Variants in ABCG8 observed in about 807,000 individuals in gnomAD.
The protein encoded by ABCG8 is ATP binding cassette subfamily G member 8, also known as ATP-binding cassette sub-family G member 8.
ABCG8 carries 81 observed loss-of-function variants against 71.3 expected under a neutral mutation model. The observed-to-expected ratio is 1.14, with a 90% confidence interval of 0.95 to 1.37. ABCG8 has a LOEUF of 1.37. ABCG8 is among the 40% of genes most tolerant of loss of function. ABCG8 has a pLI of 0.00. For missense variants in ABCG8, 1,119 were observed against 866.2 expected (o/e 1.29, Z -3.66); for synonymous variants, 451 against 354.7 (o/e 1.27, Z -3.05).
intron 6 of ABCG8, among the ~76,000 whole-genome samples, chr2:43,860,738 G>T (rs915702030): frequency 6.6e-6 from 1 of 150,628 alleles, no homozygotes; most frequent in African/African-American, 2.4e-5. Flanking sequence ...TCACTATCTG[G>T]ATAGAATTCT....
At chr2:43,866,060 T>A (rs1005098873) in intron 6 of ABCG8, among the ~76,000 whole-genome samples, 9 of 152,176 alleles carry the variant, frequency 5.9e-5, no homozygotes, top group Admixed American at 5.9e-4. Flanking sequence ...AACTATCTGA[T>A]CTTTGACAAA....
rs267599381 is a variant in ABCG8, at chr2:43,852,481, A to G, written c.689A>G (p.Asn230Ser). 2 of 1,613,314 alleles carry G rather than the reference A, an allele frequency of 1.2e-6. No homozygotes were observed. Among genetic ancestry groups the G allele is most frequent in the Middle Eastern group, 1.8e-4 (1 of 5,700 alleles). The change falls in exon 5 of 13, where the codon AAC becomes AGC. Residue 230 changes from asparagine to serine, a missense_variant. Transcript: ENST00000272286. ...RVSIGVQLLW[N>S]PGILILDEPT... is the part of the protein sequence containing the mutation. ...AGCATTGGGGTGCAGCTCCTGTGGA[A>G]CCCAGGTGAGGGCCTGGGGGGCAGA...
At position 43,852,171 on chromosome 2, in the gene ABCG8, C is replaced by A. The variant is rs72875462; in HGVS notation, c.562-183C>A. ...GCACCATGCCCAGCACGTCGAGGCC[C>A]CTCGGGACCTGTGGAAAGAATCAGG... is the stretch of plus-strand genomic sequence containing the variant. On this transcript the variant is annotated intron_variant, in intron 4 of 12. Coordinates refer to ENST00000272286, the MANE Select transcript of ABCG8 (RefSeq NM_022437.3). Among the ~76,000 whole-genome samples the A allele has an allele frequency of 0.092, 13,968 of 152,288 alleles. 864 individuals carry two copies. The highest frequency in any genetic ancestry group is 0.17 in the African/African-American group (6,907 of 41,554).
intron 1 of ABCG8, among the ~76,000 whole-genome samples, chr2:43,843,153 C>A (rs1396621487): frequency 5.9e-5 from 9 of 152,222 alleles, no homozygotes; most frequent in African/African-American, 2.2e-4. Flanking sequence ...CTGTCTCGCT[C>A]CATCGTAATC....
intron 6 of ABCG8, among the ~76,000 whole-genome samples, chr2:43,869,560 C>CATCTGGATAGAACTCTCAGT: frequency 6.6e-6 from 1 of 150,594 alleles, no homozygotes; most frequent in African/African-American, 2.4e-5. Context: ...GAATTCTCAC[C>CATCTGGATAGAACTCTCAGT]ATCTGGATAG....
chr2:43,874,876 T>C (rs1335215450), intron 10 of ABCG8, among the ~76,000 whole-genome samples: 1 of 151,438 alleles, frequency 6.6e-6, no homozygotes, highest in Non-Finnish European at 1.5e-5. Context: ...TCAGGGGGAG[T>C]AGGGACTTGA....
chr2:43,851,645 G>A lies in ABCG8; in HGVS notation c.384G>A (p.Lys128=), dbSNP rs764690028. The part of the protein sequence containing the change: ...ITGRGHGGKI[K]SGQIWINGQP... ...GCCGAGGTCACGGCGGCAAGATCAA[G>A]TCAGGCCAGATCTGGATCAATGGGC... is the stretch of plus-strand genomic sequence containing the variant. Residue 128 remains lysine (K), a synonymous_variant, in exon 4 of 13, where the codon AAG becomes AAA. Coordinates refer to ENST00000272286, the MANE Select transcript of ABCG8 (RefSeq NM_022437.3). 1.2e-4 allele frequency: 195 copies of A among 1,614,142 alleles called. No homozygotes were observed. Among genetic ancestry groups the A allele is most frequent in the Non-Finnish European group, 1.6e-4 (183 of 1,180,058 alleles).
chr2:43,846,592 A>G (rs1668750530), intron 3 of ABCG8: 2 of 441,886 alleles, frequency 4.5e-6, no homozygotes, highest in Non-Finnish European at 8.4e-6. Context: ...ACCTGGACGG[A>G]GAGATCAGCA....
intron 8 of ABCG8, 148 bp from the exon 9 acceptor site, chr2:43,873,639 T>A: frequency 1.3e-6 from 1 of 754,902 alleles, no homozygotes; most frequent in Non-Finnish European, 2.3e-6. Context: ...GTTTTCTGAT[T>A]TAATCCTCAG....
At chr2:43,848,329 T>C (rs1321582075) in intron 3 of ABCG8, 1 of 152,116 alleles carries the variant, frequency 6.6e-6, no homozygotes, top group Admixed American at 6.5e-5. Context: ...TACAGTTGGG[T>C]GTTCACCTTA....
At chr2:43,874,831 G>T (rs112420856) in intron 10 of ABCG8, among the ~76,000 whole-genome samples, 7 of 152,288 alleles carry the variant, frequency 4.6e-5, no homozygotes, top group African/African-American at 1.4e-4. Context: ...GAGAGGCTAC[G>T]TGGCTCTCCA....
chr2:43,873,904 C>G lies in ABCG8; in HGVS notation c.1329C>G (p.Leu443=). 1 of 1,614,106 alleles carries G rather than the reference C, an allele frequency of 6.2e-7. No individual in the cohort carries two copies. The highest frequency in any genetic ancestry group is 8.5e-7 in the Non-Finnish European group (1 of 1,180,018). Residue 443 remains leucine, a synonymous_variant, in exon 9 of 13, where the codon CTC becomes CTG. Coordinates refer to ENST00000272286, the MANE Select transcript of ABCG8 (RefSeq NM_022437.3). ...FLYFGHGSIQ[L]SFMDTAALLF... is the part of the protein sequence containing the mutation. ...ATTTTGGCCATGGGAGCATCCAGCTCTCCTTCATGGATACAGCCGCCCTCT... is the reference window on the plus strand; with the variant it reads ...ATTTTGGCCATGGGAGCATCCAGCTGTCCTTCATGGATACAGCCGCCCTCT...
At chr2:43,856,332 C>A (rs1000284789) in intron 6 of ABCG8, among the ~76,000 whole-genome samples, 1 of 135,188 alleles carries the variant, frequency 7.4e-6, no homozygotes, top group African/African-American at 2.9e-5. Flanking sequence ...AACTCTCACT[C>A]CCTGTCTGGA....
intron 6 of ABCG8, among the ~76,000 whole-genome samples, chr2:43,864,281 C>G (rs4314040): frequency 0.49 from 73,762 of 150,780 alleles, 18,584 homozygotes; most frequent in East Asian, 0.86. Context: ...TATCTATTTT[C>G]ATAGAATTCT....
rs1670091997 is a variant in ABCG8, at chr2:43,880,176, T to TC, written c.*2263_*2264insC. The TC allele has an allele frequency of 7.4e-6, 1 of 135,926 alleles. No individual in the cohort carries two copies. The highest frequency in any genetic ancestry group is 3.0e-5 in the African/African-American group (1 of 33,450). The allele number at this position is 135,926 out of a possible 1,614,324, so 8.4% of individuals were successfully genotyped here. On this transcript the variant is annotated 3_prime_UTR_variant, in exon 13 of 13. Transcript: ENST00000272286. ...AAGAGTTTCAGGCTCATTTTTTGTTTTGTTTTTTTTTTTTTGAGACAGAAT... is the reference window on the plus strand; with the variant it reads ...AAGAGTTTCAGGCTCATTTTTTGTTTCTGTTTTTTTTTTTTTGAGACAGAAT...
At position 43,851,812 on chromosome 2, in the gene ABCG8, G is replaced by A. The variant is rs766212636; in HGVS notation, c.551G>A (p.Arg184His). 2.0e-5 allele frequency: 33 copies of A among 1,614,058 alleles called. No homozygotes were observed. The African/African-American group carries it at 2.1e-4, about 10-fold the overall frequency. ...RLPRTFSQAQRDKRVEDVIAE... is the reference protein window; with the variant it reads ...RLPRTFSQAQHDKRVEDVIAE... Reference sequence around the variant, plus strand: ...CCCAGAACCTTCTCCCAGGCCCAGCGTGACAAAAGGGTAACTAACTGGCCC... The same window carrying A: ...CCCAGAACCTTCTCCCAGGCCCAGCATGACAAAAGGGTAACTAACTGGCCC... The change falls in exon 4 of 13, where the codon CGT becomes CAT. Residue 184 changes from arginine (R) to histidine (H), a missense_variant. Arg to His is a conservative substitution (Grantham distance 29). Transcript: ENST00000272286.
rs1669926733 is a variant in ABCG8, at chr2:43,875,364, C to T, written c.1707C>T (p.Ser569=). ...TCTTCAGCAATGCCCTCTACAACTC[C>T]TTCTACCTCGCCGGGGGCTTCATGA... The part of the protein sequence containing the change: ...ASFFSNALYN[S]FYLAGGFMIN... The change falls in exon 11 of 13, where the codon TCC becomes TCT. Residue 569 remains serine, a synonymous_variant. Transcript: ENST00000272286. 1 of 1,614,154 alleles carries T rather than the reference C, an allele frequency of 6.2e-7. No individual in the cohort carries two copies. Among genetic ancestry groups the T allele is most frequent in the South Asian group, 1.1e-5 (1 of 91,084 alleles).
chr2:43,878,404 T>C lies in ABCG8; in HGVS notation c.*491T>C. On this transcript the variant is annotated 3_prime_UTR_variant, in exon 13 of 13. Transcript: ENST00000272286. ...GTACCAGCAAGATGCCATCCCTTCTTTTTGTGTGGGGTCATGGGCTCCAAA... is the reference window on the plus strand; with the variant it reads ...GTACCAGCAAGATGCCATCCCTTCTCTTTGTGTGGGGTCATGGGCTCCAAA... The C allele has an allele frequency of 4.3e-6, 1 of 232,562 alleles. No individual in the cohort carries two copies. The highest frequency in any genetic ancestry group is 6.8e-5 in the South Asian group (1 of 14,768). 14.4% of individuals were successfully genotyped at this position (232,562 alleles called of 1,614,324 possible).
In ABCG8 at chr2:43,880,230, A is replaced by G. The variant is rs1024569647; in HGVS notation, c.*2317A>G. 3.4e-5 allele frequency: 5 copies of G among 146,902 alleles called. No individual in the cohort carries two copies. Among genetic ancestry groups the G allele is most frequent in the African/African-American group, 1.3e-4 (5 of 39,264 alleles). The allele number at this position is 146,902 out of a possible 1,614,324, so 9.1% of individuals were successfully genotyped here. ...ATTCTGTGGCCCAGGCTGGAGTGCA[A>G]TGGCGCGATCTCGGCTCACTGCAAC... On this transcript the variant is annotated 3_prime_UTR_variant, in exon 13 of 13. Coordinates refer to ENST00000272286, the MANE Select transcript of ABCG8 (RefSeq NM_022437.3).
Sources: gnomAD v4.1 joint callset for allele counts (sites outside exome capture counted in the v4.1 genomes callset) on GRCh38, gnomAD v4.1.1 for gene constraint, MANE v1.5 for transcripts, NCBI Gene and HGNC (gene_info 2026-07-23, HGNC 2026-07-21) for gene names.